Variants in FANCI observed in about 807,000 individuals in gnomAD.
The protein encoded by FANCI is Fanconi anemia group I protein.
Under a neutral mutation model 176.1 loss-of-function variants are expected in FANCI, and 156 were observed. The observed-to-expected ratio is 0.89, with a 90% CI of 0.78 to 1.01. The LOEUF is 1.01. FANCI is among the 50% of genes least tolerant of loss of function. The pLI, the probability that FANCI is intolerant of heterozygous loss-of-function variation, is 0.00. For missense variants in FANCI, 1,678 were observed against 1,534.1 expected, an observed-to-expected ratio of 1.09 and a Z score of -1.57; for synonymous variants, 613 against 541.7, an observed-to-expected ratio of 1.13 and a Z score of -1.83.
chr15:89,311,562 C>G (rs1488382886), intron 34 of FANCI, among the ~76,000 whole-genome samples: 1 of 152,192 alleles, frequency 6.6e-6, no homozygotes, highest in Non-Finnish European at 1.5e-5. Flanking sequence ...TCACTTCCCA[C>G]TTGGTCAGTG....
At chr15:89,273,190 G>T (rs1464314175) in intron 10 of FANCI, among the ~76,000 whole-genome samples, 187 bp from the exon 11 acceptor site, 1 of 151,478 alleles carries the variant, frequency 6.6e-6, no homozygotes, top group Non-Finnish European at 1.5e-5. Context: ...TATAGTCCCA[G>T]CTACTTGGGA....
intron 22 of FANCI, 144 bp downstream of exon 22, chr15:89,293,207 C>T (rs1022756063): frequency 1.1e-6 from 1 of 890,882 alleles, no homozygotes; most frequent in African/African-American, 1.7e-5. Context: ...TAAGACTAAA[C>T]TGTGTTCTTT....
Position 89,282,327 on chromosome 15 carries a change from T to C in FANCI, c.1583+492T>C, listed in dbSNP as rs976872512. 5.0e-5 allele frequency: 9 copies of C among 179,290 alleles called. No homozygotes were observed. In the East Asian group the frequency reaches 5.6e-4, roughly 11 times the overall value. The allele number at this position is 179,290 out of a possible 1,614,324, so 11.1% of individuals were successfully genotyped here. A position where few individuals can be genotyped will look rare whatever the true frequency, so the allele number is the denominator to read the frequency against. The stretch of plus-strand genomic sequence containing the variant: ...CTCATTTTAGTGAACATCTGAATTA[T>C]GATCTAGAGGCTAGTAGATCAAATT... On this transcript the variant is annotated intron_variant, in intron 16 of 37. Coordinates refer to ENST00000310775, the MANE Select transcript of FANCI (RefSeq NM_001113378.2).
chr15:89,317,218 C>A, downstream of FANCI: 1 of 685,212 alleles, frequency 1.5e-6, no homozygotes, highest in South Asian at 1.7e-5. Context: ...ATCACATTCA[C>A]TCTGGACACA....
chr15:89,313,863 TA>T (rs1157733785), intron 35 of FANCI, among the ~76,000 whole-genome samples: 3 of 151,336 alleles, frequency 2.0e-5, no homozygotes, highest in African/African-American at 4.9e-5. Context: ...AAGATAATGT[TA>T]AAAAAAATTT....
intron 9 of FANCI, among the ~76,000 whole-genome samples, chr15:89,266,824 T>A (rs2052982421): frequency 6.6e-6 from 1 of 152,038 alleles, no homozygotes; most frequent in African/African-American, 2.4e-5. Context: ...AGAATCAGAT[T>A]TTGGAGAAAA....
chr15:89,274,368 A>T, intron 12 of FANCI, 64 bp downstream of exon 12: 3 of 1,576,608 alleles, frequency 1.9e-6, no homozygotes, highest in Non-Finnish European at 1.7e-6. Flanking sequence ...ATGCAATGTG[A>T]TATCATACTT....
Position 89,299,941 on chromosome 15 carries a change from G to A in FANCI, c.2778G>A (p.Lys926=). 1 of 1,614,044 alleles carries A rather than the reference G, an allele frequency of 6.2e-7. No homozygotes were observed. The highest frequency in any genetic ancestry group is 8.5e-7 in the Non-Finnish European group (1 of 1,179,992). Residue 926 remains lysine (K), a synonymous_variant, in exon 25 of 38, where the codon AAG becomes AAA. Coordinates refer to ENST00000310775, the MANE Select transcript of FANCI (RefSeq NM_001113378.2). The part of the protein sequence containing the change: ...FSAVQQFYQP[K]IQQFLRALDV... The stretch of plus-strand genomic sequence containing the variant: ...CTGTGCAACAGTTCTATCAGCCCAA[G>A]ATTCAGCAGTTTCTCAGAGCTCTGG...
At chr15:89,293,728 C>G in intron 22 of FANCI, 105 bp from the exon 23 acceptor site, 3 of 1,115,676 alleles carry the variant, frequency 2.7e-6, no homozygotes, top group Non-Finnish European at 4.0e-6. Context: ...AATGTTACGT[C>G]TAAAATATGA....
chr15:89,254,127 G>A (rs1323984802), intron 2 of FANCI, among the ~76,000 whole-genome samples: 2 of 152,184 alleles, frequency 1.3e-5, no homozygotes, highest in South Asian at 2.1e-4. Flanking sequence ...GGGAAACTGC[G>A]TGGGTGGATC....
At chr15:89,277,161 A>G (rs2053439542) in intron 13 of FANCI, among the ~76,000 whole-genome samples, 1 of 152,194 alleles carries the variant, frequency 6.6e-6, no homozygotes. Context: ...CAGCTTTTTC[A>G]TGATTTTTCC....
At chr15:89,267,525 G>T (rs1011037861) in intron 9 of FANCI, among the ~76,000 whole-genome samples, 1 of 151,936 alleles carries the variant, frequency 6.6e-6, no homozygotes, top group East Asian at 1.9e-4. Flanking sequence ...TGGGGGTGAG[G>T]GTAGAAAGAG....
chr15:89,292,900 A>C, intron 21 of FANCI, 36 bp downstream of exon 21: 1 of 1,614,034 alleles, frequency 6.2e-7, no homozygotes, highest in Non-Finnish European at 8.5e-7. Flanking sequence ...TGAATGATGG[A>C]GTTCTTTAGT....
Position 89,308,680 on chromosome 15 carries a change from C to T in FANCI, c.3651+1008C>T, listed in dbSNP as rs1319518597. ...CAGCAATCAGCTGGGCACAGTGGCT[C>T]ATGCCTGTAATTGCAGCACTTTGGG... On this transcript the variant is annotated intron_variant, in intron 34 of 37. Transcript: ENST00000310775. Among the ~76,000 whole-genome samples, 9 of 152,314 alleles carry T rather than the reference C, an allele frequency of 5.9e-5. No individual in the cohort carries two copies. The East Asian group carries it at 1.4e-3, about 23-fold the overall frequency.
intron 11 of FANCI, among the ~76,000 whole-genome samples, 195 bp from the exon 12 acceptor site, chr15:89,273,973 G>T (rs1243468821): frequency 6.6e-6 from 1 of 151,922 alleles, no homozygotes; most frequent in Non-Finnish European, 1.5e-5. Flanking sequence ...CATAATTTTT[G>T]TAACATCTTC....
chr15:89,248,976 A>T (rs1350862449), intron 2 of FANCI, among the ~76,000 whole-genome samples: 3 of 152,182 alleles, frequency 2.0e-5, no homozygotes, highest in African/African-American at 4.8e-5. Flanking sequence ...GGAGTTCGAG[A>T]TCAGCTTAGG....
chr15:89,273,261 AT>A, intron 10 of FANCI, 115 bp from the exon 11 acceptor site: 1 of 653,572 alleles, frequency 1.5e-6, no homozygotes, highest in South Asian at 1.8e-5. Flanking sequence ...CTATGATTGC[AT>A]CACTGCACTC....
At chr15:89,259,683 C>T (rs886447504) in intron 3 of FANCI, among the ~76,000 whole-genome samples, 1 of 152,150 alleles carries the variant, frequency 6.6e-6, no homozygotes, top group East Asian at 1.9e-4. Context: ...TAAGAAACCA[C>T]GAATCTACTT....
rs1596321351 is a variant in FANCI at position 89,303,132 on chromosome 15, T to C, written c.3007-732T>C. ...CTTGTTCTGCATCCTGCTTATTTCA[T>C]TGAGCACGGTATTCTGAAGATCTTT... On this transcript the variant is annotated intron_variant, in intron 27 of 37. Coordinates refer to ENST00000310775, the MANE Select transcript of FANCI (RefSeq NM_001113378.2). Among the ~76,000 whole-genome samples the C allele has an allele frequency of 1.3e-5, 2 of 152,270 alleles. 1 individual carries two copies. Among genetic ancestry groups the C allele is most frequent in the South Asian group, 4.1e-4 (2 of 4,836 alleles).
Sources: allele counts gnomAD v4.1 joint callset (sites outside exome capture counted in the v4.1 genomes callset), GRCh38; gene constraint gnomAD v4.1.1; transcripts MANE v1.5; gene names NCBI Gene and HGNC (gene_info 2026-07-23, HGNC 2026-07-21).